SNAP91: variants seen among roughly 807,000 people sequenced by gnomAD.
SNAP91 encodes the protein synaptosome associated protein 91, also known as clathrin coat assembly protein AP180.
A neutral mutation model predicts 100.3 loss-of-function variants in SNAP91; 27 were observed. That is an observed-to-expected ratio of 0.27 (90% CI 0.20 to 0.37). SNAP91 has a LOEUF of 0.37. Among genes scored for constraint, SNAP91 ranks in the 10% least tolerant of loss-of-function variants. The pLI, the probability that SNAP91 is intolerant of heterozygous loss-of-function variation, is 1.00. For missense variants in SNAP91, 986 were observed against 1,123.7 expected, an observed-to-expected ratio of 0.88 and a Z score of 1.75; for synonymous variants, 404 against 398.6, an observed-to-expected ratio of 1.01 and a Z score of -0.16.
chr6:83,621,912 T>C (rs2096743792), intron 9 of SNAP91, among the ~76,000 whole-genome samples: 1 of 152,126 alleles, frequency 6.6e-6, no homozygotes, highest in Non-Finnish European at 1.5e-5. Flanking sequence ...TAACATGTAT[T>C]ACTTATGTGG....
chr6:83,610,271 G>C (rs376993921), intron 12 of SNAP91, among the ~76,000 whole-genome samples: 1 of 151,800 alleles, frequency 6.6e-6, no homozygotes, highest in Non-Finnish European at 1.5e-5. Flanking sequence ...AATATAATTC[G>C]GCCTTCAAAA....
chr6:83,658,554 G>A (rs1033946685), intron 6 of SNAP91, among the ~76,000 whole-genome samples: 9 of 151,964 alleles, frequency 5.9e-5, no homozygotes, highest in Admixed American at 6.6e-5. Context: ...GCTTGTGAGC[G>A]GAGATCGCGC....
At chr6:83,594,241 T>G in intron 17 of SNAP91, 133 bp downstream of exon 17, 3 of 685,454 alleles carry the variant, frequency 4.4e-6, no homozygotes, top group Non-Finnish European at 7.5e-6. Flanking sequence ...CTGGCATTAT[T>G]TATTTAGTTA....
chr6:83,637,115 G>A (rs2097489337), intron 8 of SNAP91, among the ~76,000 whole-genome samples: 1 of 152,194 alleles, frequency 6.6e-6, no homozygotes. Flanking sequence ...TTATTTTTCA[G>A]TGCGTATGTG....
chr6:83,660,473 C>A (rs546230633), intron 5 of SNAP91, among the ~76,000 whole-genome samples: 204 of 152,202 alleles, frequency 1.3e-3, no homozygotes, highest in African/African-American at 4.6e-3. Flanking sequence ...AATATTAAAG[C>A]TGCTATAGTA....
chr6:83,639,956 A>G (rs568863253), intron 8 of SNAP91, among the ~76,000 whole-genome samples: 1 of 152,312 alleles, frequency 6.6e-6, no homozygotes, highest in South Asian at 2.1e-4. Flanking sequence ...CAGCAAAAGA[A>G]AAAATTTTAA....
At position 83,641,140 on chromosome 6, in the gene SNAP91, G is replaced by T; in HGVS notation, c.721C>A (p.Leu241Ile). 6.5e-7 allele frequency: 1 copy of T among 1,547,236 alleles called. No individual in the cohort carries two copies. Among genetic ancestry groups the T allele is most frequent in the East Asian group, 2.4e-5 (1 of 42,094 alleles). ...TCAGACACTCGTGTCATTCTAGTTA[G>T]AAATCGTTTGTAAATTTCTAGAGCA... ...KDALEIYKRFLTRMTRVSEFL... is the reference protein window; with the variant it reads ...KDALEIYKRFITRMTRVSEFL... Residue 241 changes from leucine (L) to isoleucine (I), a missense_variant, in exon 8 of 30, where the codon CTA becomes ATA. Leu to Ile is a conservative substitution (Grantham distance 5). Coordinates refer to ENST00000369694, the MANE Select transcript of SNAP91 (RefSeq NM_001242792.2).
chr6:83,667,001 G>T (rs1271640650), intron 2 of SNAP91, among the ~76,000 whole-genome samples: 1 of 152,072 alleles, frequency 6.6e-6, no homozygotes. Context: ...GCAGAGCACT[G>T]TGTACAATAT....
In SNAP91 at chr6:83,591,192, A is replaced by G; in HGVS notation, c.2014+19T>C. 6.7e-7 allele frequency: 1 copy of G among 1,498,772 alleles called. No homozygotes were observed. The highest frequency in any genetic ancestry group is 9.3e-7 in the Non-Finnish European group (1 of 1,077,238). 92.8% of individuals were successfully genotyped at this position (1,498,772 alleles called of 1,614,324 possible). A position where few individuals can be genotyped will look rare whatever the true frequency, so the allele number is the denominator to read the frequency against. On this transcript the variant is annotated intron_variant, in intron 22 of 29. Transcript: ENST00000369694. ...TATCCAAATTTAACTTCTACAAAATACCATTTTAATTTAATTACCAGCTAG... is the reference window on the plus strand; with the variant it reads ...TATCCAAATTTAACTTCTACAAAATGCCATTTTAATTTAATTACCAGCTAG...
At chr6:83,707,260 T>TCACA (rs572573261) in intron 2 of SNAP91, among the ~76,000 whole-genome samples, 5 of 150,262 alleles carry the variant, frequency 3.3e-5, no homozygotes, top group African/African-American at 1.2e-4. Flanking sequence ...GTAACATACC[T>TCACA]CACACACACA....
At chr6:83,632,084 C>A (rs217336) in intron 8 of SNAP91, among the ~76,000 whole-genome samples, 55,557 of 151,786 alleles carry the variant, frequency 0.37, 10,976 homozygotes, top group South Asian at 0.5. Flanking sequence ...CTGAAAAAGA[C>A]TGTATCTTTC....
chr6:83,615,832 T>C (rs2096455764), intron 10 of SNAP91, among the ~76,000 whole-genome samples: 1 of 152,114 alleles, frequency 6.6e-6, no homozygotes. Context: ...TCTGGGAGAA[T>C]GTCCAGAGGC....
Position 83,665,613 on chromosome 6 carries a change from T to C in SNAP91, c.131-32A>G, listed in dbSNP as rs769748219. The stretch of plus-strand genomic sequence containing the variant: ...AAATAGAAGATATTAATCAATGATA[T>C]TAACAATTACATGCAAAAATTCATT... On this transcript the variant is annotated intron_variant, in intron 2 of 29. Coordinates refer to ENST00000369694, the MANE Select transcript of SNAP91 (RefSeq NM_001242792.2). 9.4e-6 allele frequency: 15 copies of C among 1,588,832 alleles called. No homozygotes were observed. The Admixed American group carries it at 1.9e-4, about 20-fold the overall frequency.
chr6:83,596,224 A>G (rs1278872097), intron 16 of SNAP91, among the ~76,000 whole-genome samples: 1 of 152,152 alleles, frequency 6.6e-6, no homozygotes, highest in African/African-American at 2.4e-5. Flanking sequence ...CCAGCCAGGA[A>G]TATAGGTTTT....
At chr6:83,568,476 T>TATA (rs56267925) in intron 26 of SNAP91, among the ~76,000 whole-genome samples, 6,146 of 147,466 alleles carry the variant, frequency 0.042, 275 homozygotes, top group African/African-American at 0.12. Flanking sequence ...CACATTAAAG[T>TATA]ATAATAATAA....
intron 7 of SNAP91, among the ~76,000 whole-genome samples, chr6:83,653,804 T>G (rs2098299914): frequency 6.6e-6 from 1 of 152,084 alleles, no homozygotes; most frequent in Non-Finnish European, 1.5e-5. Flanking sequence ...TTTTAGTGAG[T>G]CTATGCCTCT....
At chr6:83,585,724 A>AG (rs758515150) in intron 22 of SNAP91, among the ~76,000 whole-genome samples, 1 of 152,144 alleles carries the variant, frequency 6.6e-6, no homozygotes, top group African/African-American at 2.4e-5. Flanking sequence ...GTTATTCTAA[A>AG]GGGGAGTAGC....
chr6:83,708,261 A>G (rs1243141797), intron 1 of SNAP91: 1 of 263,684 alleles, frequency 3.8e-6, no homozygotes, highest in Admixed American at 5.7e-5. Context: ...CCCCCTGTCA[A>G]TCAGCACTTT....
rs755402493 is a variant in SNAP91, at chr6:83,580,486, T to C, written c.2263A>G (p.Ser755Gly). The change falls in exon 24 of 30, where the codon AGT becomes GGT. Residue 755 changes from serine (S) to glycine (G), a missense_variant. Ser to Gly is a moderately conservative substitution (Grantham distance 56). Transcript: ENST00000369694. ...CTGGCAAGAGATGAATCAAGATCAC[T>C]TCCAAGGGCTTTGCTGGCTGCCATT... The part of the protein sequence containing the change: ...PAMAASKALG[S>G]DLDSSLASLV... 2 of 1,613,424 alleles carry C rather than the reference T, an allele frequency of 1.2e-6. No individual in the cohort carries two copies. Among genetic ancestry groups the C allele is most frequent in the Admixed American group, 1.7e-5 (1 of 59,958 alleles).
Sources: gnomAD v4.1 joint callset for allele counts (sites outside exome capture counted in the v4.1 genomes callset) on GRCh38, gnomAD v4.1.1 for gene constraint, MANE v1.5 for transcripts, NCBI Gene and HGNC (gene_info 2026-07-23, HGNC 2026-07-21) for gene names.